The following ZCCHC8 variants were observed in gnomAD, a reference collection of about 807,000 sequenced individuals.
ZCCHC8 encodes the protein zinc finger CCHC-type containing 8.
In ZCCHC8, 27 loss-of-function variants were observed where a neutral mutation model predicts 70.6. That is an observed-to-expected ratio of 0.38 (90% CI 0.28 to 0.53). ZCCHC8 has a LOEUF of 0.53. ZCCHC8 is among the 20% of genes least tolerant of loss of function. ZCCHC8 has a pLI of 0.81. For synonymous variants in ZCCHC8, 293 were observed against 317.4 expected, an observed-to-expected ratio of 0.92 and a Z score of 0.82; for missense variants, 737 against 876.9, an observed-to-expected ratio of 0.84 and a Z score of 2.01.
In ZCCHC8 at chr12:122,474,112, G is replaced by A. The variant is rs202062479; in HGVS notation, c.1509C>T (p.Thr503=). Reference sequence around the variant, plus strand: ...CATCCACAGCTCCAGATGCTGTTCTGGTCTGGGGTGAGTCACTGGGAGTCA... The same window carrying A: ...CATCCACAGCTCCAGATGCTGTTCTAGTCTGGGGTGAGTCACTGGGAGTCA... ...PPLTPSDSPQ[T]RTASGAVDED... is the part of the protein sequence containing the mutation. The change falls in exon 14 of 14, where the codon ACC becomes ACT. Residue 503 remains threonine (T), a synonymous_variant. Transcript: ENST00000633063. 59 of 1,513,300 alleles carry A rather than the reference G, an allele frequency of 3.9e-5. No individual in the cohort carries two copies. In the African/African-American group the frequency reaches 7.4e-4, roughly 19 times the overall value. The allele number at this position is 1,513,300 out of a possible 1,614,324, so 93.7% of individuals were successfully genotyped here. A position where few individuals can be genotyped will look rare whatever the true frequency, so the allele number is the denominator to read the frequency against.
At position 122,474,131 on chromosome 12, in the gene ZCCHC8, G is replaced by A; in HGVS notation, c.1490C>T (p.Pro497Leu). ...TGTTCTGGTCTGGGGTGAGTCACTG[G>A]GAGTCAGCGGCGGGGTGCCCTTTGG... The part of the protein sequence containing the change: ...PLPKGTPPLT[P>L]SDSPQTRTAS... The change falls in exon 14 of 14, where the codon CCC (proline) becomes CTC (leucine). Residue 497 changes from proline (P) to leucine (L), a missense_variant. Physicochemically the swap from Pro to Leu is moderately conservative, Grantham distance 98 (BLOSUM62 -3). Coordinates refer to ENST00000633063, the MANE Select transcript of ZCCHC8 (RefSeq NM_017612.5). 1 of 1,509,796 alleles carries A rather than the reference G, an allele frequency of 6.6e-7. No individual in the cohort carries two copies. Among genetic ancestry groups the A allele is most frequent in the Non-Finnish European group, 8.8e-7 (1 of 1,134,240 alleles). 93.5% of individuals were successfully genotyped at this position (1,509,796 alleles called of 1,614,324 possible). A position where few individuals can be genotyped will look rare whatever the true frequency, so the allele number is the denominator to read the frequency against.
At position 122,490,408 on chromosome 12, in the gene ZCCHC8, T is replaced by C. The variant is rs186707891; in HGVS notation, c.423+54A>G. On this transcript the variant is annotated intron_variant, in intron 4 of 13. Coordinates refer to ENST00000633063, the MANE Select transcript of ZCCHC8 (RefSeq NM_017612.5). ...CAAGAGGATCCTTGTGGCCCAATAA[T>C]TGGCAGTGAAACGCATAACTTACTA... 2.0e-5 allele frequency: 27 copies of C among 1,338,460 alleles called. No homozygotes were observed. In the East Asian group the frequency reaches 2.8e-4, roughly 14 times the overall value. 82.9% of individuals were successfully genotyped at this position (1,338,460 alleles called of 1,614,324 possible).
At position 122,481,520 on chromosome 12, in the gene ZCCHC8, A is replaced by G; in HGVS notation, c.1018+2T>C. 6.2e-7 allele frequency: 1 copy of G among 1,609,936 alleles called. No homozygotes were observed. Among genetic ancestry groups the G allele is most frequent in the Non-Finnish European group, 8.5e-7 (1 of 1,178,662 alleles). Reference sequence around the variant, plus strand: ...TGACTTCTCTAACTTAAGATACTATACCTTTTCCATCATAGAGTGCAAGCC... The same window carrying G: ...TGACTTCTCTAACTTAAGATACTATGCCTTTTCCATCATAGAGTGCAAGCC... On this transcript the variant is annotated splice_donor_variant, in intron 10 of 13. Coordinates refer to ENST00000633063, the MANE Select transcript of ZCCHC8 (RefSeq NM_017612.5). LOFTEE classifies it high-confidence loss of function.
In ZCCHC8 at chr12:122,471,712, C is replaced by A. The variant is rs534952370; in HGVS notation, c.*1785G>T. ...CTGTGAGGGCTTTAAAAAGAAATTTCTCTCTTTATAATTTTCCTTTCCTTT... is the reference window on the plus strand; with the variant it reads ...CTGTGAGGGCTTTAAAAAGAAATTTATCTCTTTATAATTTTCCTTTCCTTT... On this transcript the variant is annotated 3_prime_UTR_variant, in exon 14 of 14. Transcript: ENST00000633063. 1 of 152,320 alleles carries A rather than the reference C, an allele frequency of 6.6e-6. No homozygotes were observed. The highest frequency in any genetic ancestry group is 1.9e-4 in the East Asian group (1 of 5,190). 9.4% of individuals were successfully genotyped at this position (152,320 alleles called of 1,614,324 possible). A position where few individuals can be genotyped will look rare whatever the true frequency, so the allele number is the denominator to read the frequency against.
Position 122,494,846 on chromosome 12 carries a change from C to T in ZCCHC8, c.243-2057G>A, listed in dbSNP as rs115061751. Among the ~76,000 whole-genome samples the T allele has an allele frequency of 9.2e-3, 1,403 of 152,340 alleles. 22 individuals carry two copies. The highest frequency in any genetic ancestry group is 0.032 in the African/African-American group (1,345 of 41,568). ...CTCCAGCCGGGGTGACAGAGCAACA[C>T]GCTCGGCCAACCAGGGATGTTTTTA... On this transcript the variant is annotated intron_variant, in intron 2 of 13. Coordinates refer to ENST00000633063, the MANE Select transcript of ZCCHC8 (RefSeq NM_017612.5).
intron 5 of ZCCHC8, among the ~76,000 whole-genome samples, chr12:122,487,475 C>G (rs982281753): frequency 6.6e-6 from 1 of 152,238 alleles, no homozygotes; most frequent in Admixed American, 6.5e-5. Flanking sequence ...CGGATAACAT[C>G]TCAGTCCCTA....
At chr12:122,491,068 A>C (rs1957733945) in intron 3 of ZCCHC8, 1 of 152,416 alleles carries the variant, frequency 6.6e-6, no homozygotes, top group Non-Finnish European at 1.5e-5. Context: ...AAAAGATAAA[A>C]TCAAAATGCA....
chr12:122,497,639 A>C (rs1260554585), intron 2 of ZCCHC8, among the ~76,000 whole-genome samples: 2 of 152,160 alleles, frequency 1.3e-5, no homozygotes, highest in Non-Finnish European at 1.5e-5. Context: ...CATAATCTGT[A>C]CTTTAACAAA....
At chr12:122,481,248 C>T (rs188753714) in intron 10 of ZCCHC8, 288 of 233,712 alleles carry the variant, frequency 1.2e-3, no homozygotes, top group South Asian at 2.5e-3. Context: ...GTTATTATTA[C>T]TGACAAAGAT....
chr12:122,484,226 G>C (rs1232304704), intron 5 of ZCCHC8: 1 of 152,090 alleles, frequency 6.6e-6, no homozygotes, highest in African/African-American at 2.4e-5. Flanking sequence ...CTGAGAAGCT[G>C]GGACCACAAG....
rs1957569181 is a variant in ZCCHC8, at chr12:122,483,162, AT to A, written c.671+116del. 5.5e-6 allele frequency: 5 copies of A among 904,680 alleles called. No homozygotes were observed. In the East Asian group the frequency reaches 1.3e-4, roughly 24 times the overall value. The allele number at this position is 904,680 out of a possible 1,614,324, so 56.0% of individuals were successfully genotyped here. A position where few individuals can be genotyped will look rare whatever the true frequency, so the allele number is the denominator to read the frequency against. On this transcript the variant is annotated intron_variant, in intron 7 of 13. Coordinates refer to ENST00000633063, the MANE Select transcript of ZCCHC8 (RefSeq NM_017612.5). This position sits in a 1 kb window ranked among gnomAD's most constrained non-coding sequence, Gnocchi z 4.4. ...ATGTATGGATTAAAATTCTAGCTCA[AT>A]CTGTAATTAACCTTAGAGTAAACCA...
At chr12:122,488,320 C>T (rs1957680218) in intron 5 of ZCCHC8, among the ~76,000 whole-genome samples, 1 of 151,942 alleles carries the variant, frequency 6.6e-6, no homozygotes, top group African/African-American at 2.4e-5. Context: ...GTGTGAGCCA[C>T]TTCGCCCAGC....
Position 122,500,616 on chromosome 12 carries a change from C to G in ZCCHC8, c.199+26G>C, listed in dbSNP as rs1957910897. 2.6e-6 allele frequency: 4 copies of G among 1,541,636 alleles called. No homozygotes were observed. Among genetic ancestry groups the G allele is most frequent in the Non-Finnish European group, 3.5e-6 (4 of 1,144,818 alleles). ...CTGCCCCGGCCCCACACCCGGGTGA[C>G]AGGGCCCAGCGAGAGGAAAGGATAT... is the stretch of plus-strand genomic sequence containing the variant. On this transcript the variant is annotated intron_variant, in intron 1 of 13. Transcript: ENST00000633063. This position sits in a 1 kb window ranked among gnomAD's most constrained non-coding sequence, Gnocchi z 4.8.
Position 122,483,649 on chromosome 12 carries a change from A to C in ZCCHC8, c.502-86T>G. On this transcript the variant is annotated intron_variant, in intron 5 of 13. Coordinates refer to ENST00000633063, the MANE Select transcript of ZCCHC8 (RefSeq NM_017612.5). This position sits in a 1 kb window ranked among gnomAD's most constrained non-coding sequence, Gnocchi z 4.4. ...TAAGATTATGATTAACTGTTTTAAC[A>C]ATTTATTTTTGGATGGAATTATTAG... 9.1e-7 allele frequency: 1 copy of C among 1,103,440 alleles called. No individual in the cohort carries two copies. Among genetic ancestry groups the C allele is most frequent in the Non-Finnish European group, 1.3e-6 (1 of 766,676 alleles). 68.4% of individuals were successfully genotyped at this position (1,103,440 alleles called of 1,614,324 possible).
chr12:122,499,257 G>T, intron 1 of ZCCHC8: 1 of 203,516 alleles, frequency 4.9e-6, no homozygotes, highest in Non-Finnish European at 1.0e-5. Flanking sequence ...GTCCACTGTA[G>T]AATCCTTTCA....
At position 122,490,486 on chromosome 12, in the gene ZCCHC8, CTT is replaced by C; in HGVS notation, c.397_398del (p.Lys133AspfsTer4). Reference protein sequence around the residue: ...FEEQQKNDVEKTSFNLLPQPS... With the variant: ...FEEQQKNDVEXTSFNLLPQPS... ...CCTGGGGCAAAAGATTAAAGGAAGT[CTT>C]TTCCACATCATTTTTCTGCTGTTCC... is the stretch of plus-strand genomic sequence containing the variant. On this transcript the variant is annotated frameshift_variant, in exon 4 of 14. Coordinates refer to ENST00000633063, the MANE Select transcript of ZCCHC8 (RefSeq NM_017612.5). LOFTEE classifies it high-confidence loss of function. 1 of 1,612,800 alleles carries C rather than the reference CTT, an allele frequency of 6.2e-7. No individual in the cohort carries two copies. The highest frequency in any genetic ancestry group is 8.5e-7 in the Non-Finnish European group (1 of 1,179,292).
At chr12:122,493,578 C>T (rs1025195099) in intron 2 of ZCCHC8, among the ~76,000 whole-genome samples, 3 of 151,804 alleles carry the variant, frequency 2.0e-5, no homozygotes, top group Non-Finnish European at 4.4e-5. Context: ...AGCGCCACCA[C>T]GCCCAGCTAA....
intron 13 of ZCCHC8, among the ~76,000 whole-genome samples, chr12:122,475,496 C>G (rs1957401775): frequency 6.6e-6 from 1 of 152,238 alleles, no homozygotes; most frequent in Non-Finnish European, 1.5e-5. Flanking sequence ...TTCCCATCTG[C>G]TGTTCTCACA....
At chr12:122,496,649 C>T (rs1469062341) in intron 2 of ZCCHC8, among the ~76,000 whole-genome samples, 1 of 151,956 alleles carries the variant, frequency 6.6e-6, no homozygotes, top group Non-Finnish European at 1.5e-5. Context: ...AGGAACATGC[C>T]ACCACATCCA....
Sources: gnomAD v4.1 joint callset for allele counts (sites outside exome capture counted in the v4.1 genomes callset) on GRCh38, gnomAD v4.1.1 for gene constraint, Gnocchi (gnomAD v3.1) non-coding constraint, MANE v1.5 for transcripts, NCBI Gene and HGNC (gene_info 2026-07-23, HGNC 2026-07-21) for gene names.